Variants in PKD2L1 observed in about 807,000 individuals in gnomAD.
PKD2L1 encodes the protein polycystin-2-like protein 1.
A neutral mutation model predicts 93.0 loss-of-function variants in PKD2L1; 77 were observed. The ratio of observed to expected loss-of-function variants is 0.83; its 90% confidence interval spans 0.69 to 1.00. The LOEUF (loss-of-function observed/expected upper bound fraction) is 1.00, where lower values mean the gene tolerates loss of function less well. Ranked by LOEUF, PKD2L1 falls within the 50% of genes least tolerant of loss-of-function variation. The pLI, the probability that PKD2L1 is intolerant of heterozygous loss-of-function variation, is 0.00. For missense variants in PKD2L1, 977 were observed against 990.9 expected, an observed-to-expected ratio of 0.99 and a Z score of 0.19; for synonymous variants, 390 against 388.0, an observed-to-expected ratio of 1.01 and a Z score of -0.06.
In PKD2L1 at chr10:100,290,103, A is replaced by G. The variant is rs747229485; in HGVS notation, c.2162T>C (p.Leu721Pro). The G allele has an allele frequency of 1.7e-5, 27 of 1,613,964 alleles. No individual in the cohort carries two copies. Among genetic ancestry groups the G allele is most frequent in the Non-Finnish European group, 2.3e-5 (27 of 1,179,954 alleles). ...TRRVLQLETV[L>P]EGVVSQIDAV... ...ATCAATCTGGGACACTACTCCTTCC[A>G]GGACAGTCTCCAGCTGCAGAACTCT... The change falls in exon 14 of 16, where the codon CTG becomes CCG. Residue 721 changes from leucine (L) to proline (P), a missense_variant. Leu to Pro is a moderately conservative substitution (Grantham distance 98). Transcript: ENST00000318222.
chr10:100,317,845 C>T lies in PKD2L1; in HGVS notation c.349+11366G>A, dbSNP rs1470164710. ...CCTGTAATCCCAGCACTTTGGGAGG[C>T]TGAGGTGGGCAGATCACCTGAGATC... On this transcript the variant is annotated intron_variant, in intron 2 of 15. Coordinates refer to ENST00000318222, the MANE Select transcript of PKD2L1 (RefSeq NM_016112.3). 2.0e-5 allele frequency among the ~76,000 whole-genome samples: 3 copies of T among 152,252 alleles called. No individual in the cohort carries two copies. The South Asian group carries it at 6.2e-4, about 32-fold the overall frequency.
chr10:100,312,566 C>A (rs548970729), intron 2 of PKD2L1, among the ~76,000 whole-genome samples: 1 of 152,064 alleles, frequency 6.6e-6, no homozygotes, highest in Non-Finnish European at 1.5e-5. Flanking sequence ...AGTCTCTCAG[C>A]GGATGGAATA....
At chr10:100,300,491 G>A (rs559292379) in intron 2 of PKD2L1, among the ~76,000 whole-genome samples, 10 of 152,290 alleles carry the variant, frequency 6.6e-5, no homozygotes, top group African/African-American at 2.2e-4. Context: ...GGGCTGTAGG[G>A]AGCACTAAGT....
rs1314238873 is a variant in PKD2L1 at position 100,297,494 on chromosome 10, C to T, written c.844G>A (p.Ala282Thr). 2 of 1,614,064 alleles carry T rather than the reference C, an allele frequency of 1.2e-6. No homozygotes were observed. Among genetic ancestry groups the T allele is most frequent in the Admixed American group, 3.3e-5 (2 of 60,010 alleles). The change falls in exon 5 of 16, where the codon GCA (alanine) becomes ACA (threonine). Residue 282 changes from alanine to threonine, a missense_variant. Transcript: ENST00000318222. Reference sequence around the variant, plus strand: ...TCCTGAAGGGCCCGGAGAGCCTCTGCACTACCCTGTCGGGATCCTGGAAGG... The same window carrying T: ...TCCTGAAGGGCCCGGAGAGCCTCTGTACTACCCTGTCGGGATCCTGGAAGG... ...LDLPGSRQGS[A>T]EALRALQEGL...
At position 100,321,762 on chromosome 10, in the gene PKD2L1, G is replaced by GAAA. The variant is rs1564894584; in HGVS notation, c.349+7448_349+7449insTTT. Among the ~76,000 whole-genome samples, 4 of 1,194 alleles carry GAAA rather than the reference G, an allele frequency of 3.4e-3. 1 individual carries two copies. Among genetic ancestry groups the GAAA allele is most frequent in the African/African-American group, 0.01 (4 of 400 alleles). 0.8% of individuals were successfully genotyped at this position (1,194 alleles called of 152,430 possible). A position where few individuals can be genotyped will look rare whatever the true frequency, so the allele number is the denominator to read the frequency against. ...AAGAAAGAAAGAAAGAAAGAAGGGA[G>GAAA]GGAGGGAGGGAGGGAGGGAGGGAGG... On this transcript the variant is annotated intron_variant, in intron 2 of 15. Transcript: ENST00000318222.
chr10:100,299,513 G>A (rs556171733), intron 3 of PKD2L1, 78 bp downstream of exon 3: 38 of 1,312,970 alleles, frequency 2.9e-5, no homozygotes, highest in Non-Finnish European at 1.9e-5. Context: ...CCCAGCATAA[G>A]GTCTGATCCG....
At chr10:100,318,069 G>A (rs1048494649) in intron 2 of PKD2L1, among the ~76,000 whole-genome samples, 14 of 151,058 alleles carry the variant, frequency 9.3e-5, no homozygotes, top group African/African-American at 3.4e-4. Context: ...GATAGAGCAA[G>A]ACTCTGTCTC....
intron 2 of PKD2L1, among the ~76,000 whole-genome samples, chr10:100,301,424 G>T (rs1468993289): frequency 6.6e-6 from 1 of 151,564 alleles, no homozygotes; most frequent in Non-Finnish European, 1.5e-5. Context: ...GCTGCATAAG[G>T]CAGACACCCC....
rs1432016210 is a variant in PKD2L1 at position 100,290,139 on chromosome 10, C to T, written c.2127-1G>A. 6.2e-7 allele frequency: 1 copy of T among 1,614,070 alleles called. No homozygotes were observed. The highest frequency in any genetic ancestry group is 8.5e-7 in the Non-Finnish European group (1 of 1,180,016). On this transcript the variant is annotated splice_acceptor_variant, in intron 13 of 15. Transcript: ENST00000318222. LOFTEE classifies it high-confidence loss of function. Reference sequence around the variant, plus strand: ...CAGCTGCAGAACTCTCCTTGTGAGCCTGTGTGGGATTTGAGAGAGACGAAT... The same window carrying T: ...CAGCTGCAGAACTCTCCTTGTGAGCTTGTGTGGGATTTGAGAGAGACGAAT...
Position 100,310,730 on chromosome 10 carries a change from G to A in PKD2L1, c.350-11012C>T, listed in dbSNP as rs1054608925. 6.9e-4 allele frequency among the ~76,000 whole-genome samples: 104 copies of A among 151,810 alleles called. 4 individuals carry two copies. The highest frequency in any genetic ancestry group is 3.4e-3 in the Middle Eastern group (1 of 294). On this transcript the variant is annotated intron_variant, in intron 2 of 15. Transcript: ENST00000318222. ...CCAATTTTTATTTTTTATTTTTTTG[G>A]AGACAGTCTCACTCTGTCGCCCAGG...
intron 2 of PKD2L1, among the ~76,000 whole-genome samples, chr10:100,321,852 A>C (rs1402949734): frequency 0.27 from 123 of 460 alleles, 42 homozygotes; most frequent in Non-Finnish European, 0.38. Flanking sequence ...AGCAAGCAAG[A>C]AGGCAGGCAG....
At chr10:100,329,580 G>A (rs1019927473) in intron 1 of PKD2L1, among the ~76,000 whole-genome samples, 18 of 152,162 alleles carry the variant, frequency 1.2e-4, no homozygotes, top group African/African-American at 4.3e-4. Flanking sequence ...TTCCAGGTGG[G>A]GTAGTCTAGG....
intron 2 of PKD2L1, among the ~76,000 whole-genome samples, chr10:100,306,539 C>T (rs939412447): frequency 3.9e-5 from 6 of 152,006 alleles, no homozygotes; most frequent in Non-Finnish European, 4.4e-5. Flanking sequence ...TCACATCCCT[C>T]GGGTGCATTA....
chr10:100,296,057 A>T, intron 7 of PKD2L1, 65 bp downstream of exon 7: 7 of 1,411,972 alleles, frequency 5.0e-6, no homozygotes, highest in African/African-American at 1.5e-5. Context: ...AAGAAAAAAA[A>T]GAAAAGAAAA....
intron 9 of PKD2L1, 28 bp downstream of exon 9, chr10:100,294,507 T>C (rs376719876): frequency 8.7e-6 from 14 of 1,613,614 alleles, no homozygotes; most frequent in Non-Finnish European, 1.2e-5. Context: ...AGGCTCTCTA[T>C]GTCCCCACCC....
Position 100,297,451 on chromosome 10 carries a change from C to T in PKD2L1, c.887G>A (p.Arg296Lys). 13 of 1,614,198 alleles carry T rather than the reference C, an allele frequency of 8.1e-6. No individual in the cohort carries two copies. Among genetic ancestry groups the T allele is most frequent in the Non-Finnish European group, 1.0e-5 (12 of 1,180,032 alleles). ...GTCGATGAACACCACTCGAGTGCCC[C>T]TGTCCAGCCACAGCCCCTCCTGAAG... ...RALQEGLWLD[R>K]GTRVVFIDFS... The change falls in exon 5 of 16, where the codon AGG becomes AAG. Residue 296 changes from arginine (R) to lysine (K), a missense_variant. Physicochemically the swap from Arg to Lys is conservative, Grantham distance 26. Transcript: ENST00000318222.
chr10:100,319,649 A>C (rs1849184359), intron 2 of PKD2L1, among the ~76,000 whole-genome samples: 1 of 152,242 alleles, frequency 6.6e-6, no homozygotes, highest in Non-Finnish European at 1.5e-5. Flanking sequence ...AATCCACTAA[A>C]AGAAAGCAGA....
At chr10:100,305,331 C>T (rs887944044) in intron 2 of PKD2L1, among the ~76,000 whole-genome samples, 1 of 152,106 alleles carries the variant, frequency 6.6e-6, no homozygotes, top group Non-Finnish European at 1.5e-5. Flanking sequence ...CCAGGCTGGT[C>T]TCGAACTCCT....
chr10:100,298,291 C>G (rs531075871), intron 4 of PKD2L1, among the ~76,000 whole-genome samples: 1 of 152,298 alleles, frequency 6.6e-6, no homozygotes, highest in South Asian at 2.1e-4. Context: ...GGAAGGACTA[C>G]GTGCAAGGTA....
Sources: allele counts gnomAD v4.1 joint callset (sites outside exome capture counted in the v4.1 genomes callset), GRCh38; gene constraint gnomAD v4.1.1; transcripts MANE v1.5; gene names NCBI Gene and HGNC (gene_info 2026-07-23, HGNC 2026-07-21).